The following APP variants were observed in gnomAD, a reference collection of about 807,000 sequenced individuals.
APP encodes the protein amyloid beta precursor protein, also known as amyloid-beta precursor protein.
A neutral mutation model predicts 101.4 loss-of-function variants in APP; 31 were observed. The observed-to-expected ratio is 0.31, with a 90% confidence interval of 0.23 to 0.41. The LOEUF is 0.41. Among genes scored for constraint, APP ranks in the 10% least tolerant of loss-of-function variants. The pLI is 1.00. For synonymous variants in APP, 366 were observed against 364.4 expected (o/e 1.00, Z -0.05); for missense variants, 839 against 1,003.7 (o/e 0.84, Z 2.22).
chr21:26,111,969 C>T lies in APP; in HGVS notation c.225+10G>A, dbSNP rs760465649. On this transcript the variant is annotated intron_variant, in intron 2 of 17. Coordinates refer to ENST00000346798, the MANE Select transcript of APP (RefSeq NM_000484.4). The stretch of plus-strand genomic sequence containing the variant: ...CCAACGTGAATTGCTAGCCACCGGA[C>T]AGGACTTACTTCTTGGCAATACTGC... 4 of 1,613,846 alleles carry T rather than the reference C, an allele frequency of 2.5e-6. No homozygotes were observed. In the African/African-American group the frequency reaches 5.3e-5, roughly 22 times the overall value.
chr21:25,945,640 C>T (rs2040783014), intron 13 of APP: 2 of 275,770 alleles, frequency 7.3e-6, no homozygotes, highest in Admixed American at 1.0e-4. Context: ...CCCATATTAT[C>T]TATGGACAAT....
intron 7 of APP, among the ~76,000 whole-genome samples, chr21:25,999,443 C>G (rs535042138): frequency 6.6e-6 from 1 of 152,098 alleles, no homozygotes; most frequent in African/African-American, 2.4e-5. Flanking sequence ...GGGGGCAAGA[C>G]GGGCACTTCT....
intron 13 of APP, among the ~76,000 whole-genome samples, chr21:25,925,775 A>C (rs1055553468): frequency 2.0e-5 from 3 of 152,160 alleles, no homozygotes; most frequent in Non-Finnish European, 4.4e-5. Flanking sequence ...CTCTACTAAA[A>C]AAATACAAAA....
intron 17 of APP, among the ~76,000 whole-genome samples, chr21:25,882,533 G>A (rs1413662508): frequency 6.6e-6 from 1 of 151,716 alleles, no homozygotes; most frequent in East Asian, 1.9e-4. Flanking sequence ...AACTGAAGAC[G>A]TTTTTCTCCC....
At chr21:26,030,018 T>G (rs2044751312) in intron 5 of APP, among the ~76,000 whole-genome samples, 1 of 152,162 alleles carries the variant, frequency 6.6e-6, no homozygotes, top group Non-Finnish European at 1.5e-5. Flanking sequence ...AGCTTTTGTG[T>G]AAACCAGCAG....
At position 25,946,260 on chromosome 21, in the gene APP, A is replaced by T. The variant is rs1056739308; in HGVS notation, c.1687+8330T>A. Among the ~76,000 whole-genome samples the T allele has an allele frequency of 2.0e-5, 3 of 152,348 alleles. No homozygotes were observed. The South Asian group carries it at 6.2e-4, about 32-fold the overall frequency. On this transcript the variant is annotated intron_variant, in intron 13 of 17. Transcript: ENST00000346798. ...TTGAAAATTTTTGTGTGTCAAAAGG[A>T]TCCTATTAAGGAAGTGAAAATACAA...
In APP at chr21:26,009,060, A is replaced by G. The variant is rs529848304; in HGVS notation, c.866-8878T>C. ...CAAGGGCCTTGGATAACTCGAATGG[A>G]TATCTCAGTTTGAGAAGCAGCATGA... On this transcript the variant is annotated intron_variant, in intron 6 of 17. Transcript: ENST00000346798. Among the ~76,000 whole-genome samples the G allele has an allele frequency of 2.0e-5, 3 of 152,348 alleles. No homozygotes were observed. The East Asian group carries it at 5.8e-4, about 29-fold the overall frequency.
intron 1 of APP, among the ~76,000 whole-genome samples, chr21:26,166,896 GAGAGAGAGAA>G (rs796258524): frequency 0.012 from 448 of 37,204 alleles, 3 homozygotes; most frequent in African/African-American, 0.055. Flanking sequence ...GAGAGAGAGA[GAGAGAGAGAA>G]AGAGAGAGAA....
Position 26,051,278 on chromosome 21 carries a change from A to T in APP, c.469-85T>A, listed in dbSNP as rs185139290. On this transcript the variant is annotated intron_variant, in intron 4 of 17. Transcript: ENST00000346798. ...ACTCCACATAAAATAATCAACATGC[A>T]GACCCAATATATTAGGAACCAATTT... The T allele has an allele frequency of 1.3e-3, 1,763 of 1,344,152 alleles. 1 individual carries two copies. Among genetic ancestry groups the T allele is most frequent in the Non-Finnish European group, 1.7e-3 (1,584 of 957,050 alleles). 83.3% of individuals were successfully genotyped at this position (1,344,152 alleles called of 1,614,324 possible).
intron 1 of APP, among the ~76,000 whole-genome samples, chr21:26,116,224 T>C (rs2062432106): frequency 6.6e-6 from 1 of 152,110 alleles, no homozygotes; most frequent in African/African-American, 2.4e-5. Flanking sequence ...GAGACGTACA[T>C]ATCAAACTTA....
rs531105060 is a variant in APP at position 26,066,252 on chromosome 21, A to G, written c.356-12904T>C. Among the ~76,000 whole-genome samples, 34 of 152,294 alleles carry G rather than the reference A, an allele frequency of 2.2e-4. 1 individual carries two copies. The highest frequency in any genetic ancestry group is 8.2e-4 in the African/African-American group (34 of 41,560). ...CCTTCCGGCAGTAAGGGTCTACTTA[A>G]GATAACCCATTACAACTAATCTCAT... On this transcript the variant is annotated intron_variant, in intron 3 of 17. Transcript: ENST00000346798.
At position 26,001,056 on chromosome 21, in the gene APP, T is replaced by A. The variant is rs45450599; in HGVS notation, c.866-874A>T. 2.0e-4 allele frequency among the ~76,000 whole-genome samples: 31 copies of A among 152,124 alleles called. 1 individual carries two copies. The highest frequency in any genetic ancestry group is 1.9e-3 in the East Asian group (10 of 5,198). On this transcript the variant is annotated intron_variant, in intron 6 of 17. Transcript: ENST00000346798. ...TTAATTGATATTTATGTATTAAAAA[T>A]CTGTATTATTTGTATATTTTGTATA...
At chr21:25,887,866 G>A (rs1487309529) in intron 17 of APP, among the ~76,000 whole-genome samples, 2 of 152,134 alleles carry the variant, frequency 1.3e-5, no homozygotes, top group African/African-American at 4.8e-5. Context: ...TTTGCACAGC[G>A]ATCAAACCGC....
intron 6 of APP, among the ~76,000 whole-genome samples, chr21:26,012,034 G>T (rs1163538108): frequency 3.3e-5 from 5 of 151,012 alleles, no homozygotes; most frequent in South Asian, 2.1e-4. Context: ...TTTGGACAGG[G>T]TCTCACTGTC....
intron 6 of APP, among the ~76,000 whole-genome samples, chr21:26,006,270 C>T (rs973845097): frequency 7.2e-5 from 11 of 152,200 alleles, no homozygotes; most frequent in Admixed American, 6.5e-5. Context: ...CTTACACTTT[C>T]AAGATCACAA....
rs1451705097 is a variant in APP at position 26,077,014 on chromosome 21, G to C, written c.355+12929C>G. Among the ~76,000 whole-genome samples the C allele has an allele frequency of 4.1e-5, 6 of 147,768 alleles. No individual in the cohort carries two copies. In the Admixed American group the frequency reaches 4.1e-4, roughly 10 times the overall value. Reference sequence around the variant, plus strand: ...GGAGGCGGAGGCTGCGATGAGCCAAGACTGCGCCACTGCGCTCCAGCCTGG... The same window carrying C: ...GGAGGCGGAGGCTGCGATGAGCCAACACTGCGCCACTGCGCTCCAGCCTGG... On this transcript the variant is annotated intron_variant, in intron 3 of 17. Coordinates refer to ENST00000346798, the MANE Select transcript of APP (RefSeq NM_000484.4).
chr21:26,134,584 C>A (rs1701558765), intron 1 of APP, among the ~76,000 whole-genome samples: 1 of 152,224 alleles, frequency 6.6e-6, no homozygotes, highest in African/African-American at 2.4e-5. Flanking sequence ...ATCCAACCCT[C>A]CAGGAACCTC....
At chr21:26,083,700 A>T (rs139659798) in intron 3 of APP, among the ~76,000 whole-genome samples, 399 of 152,348 alleles carry the variant, frequency 2.6e-3, no homozygotes, top group African/African-American at 9.3e-3. Context: ...ATATCATGCC[A>T]AATAAGCTGG....
At chr21:26,147,273 T>G (rs1472121240) in intron 1 of APP, among the ~76,000 whole-genome samples, 1 of 152,204 alleles carries the variant, frequency 6.6e-6, no homozygotes, top group Non-Finnish European at 1.5e-5. Flanking sequence ...TATGTTTTTA[T>G]GTTTCCACCT....
Sources: gnomAD v4.1 joint callset for allele counts (sites outside exome capture counted in the v4.1 genomes callset) on GRCh38, gnomAD v4.1.1 for gene constraint, MANE v1.5 for transcripts, NCBI Gene and HGNC (gene_info 2026-07-23, HGNC 2026-07-21) for gene names.